Variants in STAB1 observed in about 807,000 individuals in gnomAD.
STAB1 encodes the protein stabilin 1.
Under a neutral mutation model 332.4 loss-of-function variants are expected in STAB1, and 250 were observed. That is an observed-to-expected ratio of 0.75 (90% CI 0.68 to 0.84). The LOEUF is 0.84. Ranked by LOEUF, STAB1 falls within the 40% of genes least tolerant of loss-of-function variation. The pLI is 0.00. For synonymous variants in STAB1, 1,475 were observed against 1,390.4 expected (o/e 1.06, Z -1.35); for missense variants, 3,249 against 3,489.7 (o/e 0.93, Z 1.74).
rs903378240 is a variant in STAB1 at position 52,523,435 on chromosome 3, T to C, written c.7149T>C (p.Ser2383=). 6.8e-6 allele frequency: 11 copies of C among 1,608,622 alleles called. No individual in the cohort carries two copies. Among genetic ancestry groups the C allele is most frequent in the Non-Finnish European group, 9.3e-6 (11 of 1,177,024 alleles). Residue 2383 remains serine, a synonymous_variant, in exon 65 of 69, where the codon AGT becomes AGC. Coordinates refer to ENST00000321725, the MANE Select transcript of STAB1 (RefSeq NM_015136.3). ...NEGFVDNMTL[S]GPDLELHASN... The stretch of plus-strand genomic sequence containing the variant: ...CCTTGCTCTGCTCACAGACGCTGAG[T>C]GGCCCAGACTTGGAGCTGCATGCCT...
chr3:52,516,020 C>T (rs939209812), intron 37 of STAB1, 23 bp from the exon 38 acceptor site: 1 of 1,581,598 alleles, frequency 6.3e-7, no homozygotes, highest in Non-Finnish European at 8.6e-7. Context: ...CTCTCGCCCT[C>T]TCTCCCATCC....
intron 33 of STAB1, 48 bp from the exon 34 acceptor site, chr3:52,514,317 G>A (rs538360613): frequency 6.4e-7 from 1 of 1,568,948 alleles, no homozygotes; most frequent in South Asian, 1.2e-5. Context: ...TGCTGTCCAG[G>A]GCACTTGGTT....
rs893243186 is a variant in STAB1 at position 52,518,947 on chromosome 3, C to G, written c.5034+78C>G. Reference sequence around the variant, plus strand: ...CGCGCCATTGCCCCAGGCCCCACGGCCCACGCAGTCAAGAACCCCACCTCC... The same window carrying G: ...CGCGCCATTGCCCCAGGCCCCACGGGCCACGCAGTCAAGAACCCCACCTCC... On this transcript the variant is annotated intron_variant, in intron 48 of 68. Coordinates refer to ENST00000321725, the MANE Select transcript of STAB1 (RefSeq NM_015136.3). 2.6e-5 allele frequency: 37 copies of G among 1,412,892 alleles called. No homozygotes were observed. The African/African-American group carries it at 4.9e-4, about 19-fold the overall frequency. The allele number at this position is 1,412,892 out of a possible 1,614,324, so 87.5% of individuals were successfully genotyped here. A position where few individuals can be genotyped will look rare whatever the true frequency, so the allele number is the denominator to read the frequency against.
rs200096517 is a variant in STAB1, at chr3:52,512,895, G to A, written c.3095G>A (p.Arg1032His). The A allele has an allele frequency of 5.8e-5, 94 of 1,611,936 alleles. No homozygotes were observed. Among genetic ancestry groups the A allele is most frequent in the Non-Finnish European group, 7.6e-5 (90 of 1,179,898 alleles). ...CTGGTGCCCTCCGAGGCTGCAGTCCGTCAGCTGAGCCCCGAGGACCGAGCT... is the reference window on the plus strand; with the variant it reads ...CTGGTGCCCTCCGAGGCTGCAGTCCATCAGCTGAGCCCCGAGGACCGAGCT... ...TALVPSEAAV[R>H]QLSPEDRAFW... is the part of the protein sequence containing the mutation. Residue 1032 changes from arginine (R) to histidine (H), a missense_variant, in exon 29 of 69, where the codon CGT becomes CAT. Transcript: ENST00000321725.
Position 52,516,801 on chromosome 3 carries a change from GA to G in STAB1, c.4363+36del, listed in dbSNP as rs1222500237. The G allele has an allele frequency of 3.1e-6, 5 of 1,597,934 alleles. No individual in the cohort carries two copies. The South Asian group carries it at 5.6e-5, about 18-fold the overall frequency. On this transcript the variant is annotated intron_variant, in intron 41 of 68. Coordinates refer to ENST00000321725, the MANE Select transcript of STAB1 (RefSeq NM_015136.3). The stretch of plus-strand genomic sequence containing the variant: ...CACACGGATGCCCAGGGCCCTCCCT[GA>G]AATTTTGGGGTGGCTGTCCCCACAG...
At chr3:52,509,027 G>A (rs893912566) in intron 21 of STAB1, among the ~76,000 whole-genome samples, 183 bp from the exon 22 acceptor site, 1 of 152,102 alleles carries the variant, frequency 6.6e-6, no homozygotes, top group Non-Finnish European at 1.5e-5. Context: ...AAAGCCTCCA[G>A]GGCCAGGTGC....
chr3:52,503,748 C>T (rs1396369852), intron 8 of STAB1, 24 bp from the exon 9 acceptor site: 1 of 1,612,358 alleles, frequency 6.2e-7, no homozygotes, highest in East Asian at 2.2e-5. Flanking sequence ...CGTGGTGTTC[C>T]CCTCCTGCCC....
At position 52,520,550 on chromosome 3, in the gene STAB1, G is replaced by A. The variant is rs773303430; in HGVS notation, c.5649+1G>A. 2 of 1,611,214 alleles carry A rather than the reference G, an allele frequency of 1.2e-6. No individual in the cohort carries two copies. The highest frequency in any genetic ancestry group is 1.7e-5 in the Admixed American group (1 of 60,004). The stretch of plus-strand genomic sequence containing the variant: ...CTTTGAGACCCGGCCCCTGCGACTG[G>A]TGAGGGAGGCCAGAGGCAGACGGGC... On this transcript the variant is annotated splice_donor_variant, in intron 53 of 68. Coordinates refer to ENST00000321725, the MANE Select transcript of STAB1 (RefSeq NM_015136.3). LOFTEE classifies it high-confidence loss of function.
rs1709394910 is a variant in STAB1, at chr3:52,512,856, G to GCCCT, written c.3058_3059insCTCC (p.Arg1020ProfsTer71). The stretch of plus-strand genomic sequence containing the variant: ...GCCGGCATCACGCTTCCTGCCGACC[G>GCCCT]CCGAGTCACAGCCCTGGTGCCCTCC... On this transcript the variant is annotated frameshift_variant, in exon 29 of 69. Coordinates refer to ENST00000321725, the MANE Select transcript of STAB1 (RefSeq NM_015136.3). LOFTEE classifies it high-confidence loss of function. The GCCCT allele has an allele frequency of 6.2e-7, 1 of 1,610,088 alleles. No homozygotes were observed. Among genetic ancestry groups the GCCCT allele is most frequent in the Non-Finnish European group, 8.5e-7 (1 of 1,179,818 alleles).
intron 19 of STAB1, 37 bp from the exon 20 acceptor site, chr3:52,507,894 C>A: frequency 6.3e-7 from 1 of 1,596,028 alleles, no homozygotes; most frequent in Non-Finnish European, 8.6e-7. Context: ...GGCCCAGAAC[C>A]CACACCCACT....
At chr3:52,512,528 A>G (rs1709370502) in intron 27 of STAB1, 68 bp from the exon 28 acceptor site, 2 of 1,613,136 alleles carry the variant, frequency 1.2e-6, no homozygotes. Flanking sequence ...ACTGCTCAGG[A>G]TCCATGGTGG....
rs767816914 is a variant in STAB1, at chr3:52,510,465, C to T, written c.2745C>T (p.Gly915=). The T allele has an allele frequency of 1.2e-6, 2 of 1,613,680 alleles. No homozygotes were observed. Among genetic ancestry groups the T allele is most frequent in the South Asian group, 2.2e-5 (2 of 91,072 alleles). Residue 915 remains glycine, a synonymous_variant, in exon 25 of 69, where the codon GGC becomes GGT. Coordinates refer to ENST00000321725, the MANE Select transcript of STAB1 (RefSeq NM_015136.3). ...AGTGTGAGCTGGACATGAGAGGTGG[C>T]TGCCACACCGATGCCCTCTGCAGCT... The part of the protein sequence containing the change: ...IDECELDMRG[G]CHTDALCSYV...
At position 52,517,479 on chromosome 3, in the gene STAB1, G is replaced by T. The variant is rs917373631; in HGVS notation, c.4564-71G>T. On this transcript the variant is annotated intron_variant, in intron 43 of 68. Transcript: ENST00000321725. ...CTTCAGGGCAGGCCCGGGGAGGGGG[G>T]TGACCCTTTTACCCAGGGTGCTGGC... is the stretch of plus-strand genomic sequence containing the variant. 11 of 1,593,220 alleles carry T rather than the reference G, an allele frequency of 6.9e-6. No homozygotes were observed. The African/African-American group carries it at 1.2e-4, about 18-fold the overall frequency.
intron 20 of STAB1, 37 bp from the exon 21 acceptor site, chr3:52,508,236 C>T (rs1559686930): frequency 6.3e-7 from 1 of 1,582,748 alleles, no homozygotes; most frequent in Non-Finnish European, 8.6e-7. Flanking sequence ...AGGGCATGGA[C>T]CCAGATGGCC....
intron 5 of STAB1, 104 bp downstream of exon 5, chr3:52,502,332 C>T (rs1559671963): frequency 4.7e-6 from 6 of 1,286,234 alleles, no homozygotes. Flanking sequence ...GCCTCTGTCC[C>T]AGCCCCTCAG....
In STAB1 at chr3:52,516,469, G is replaced by A. The variant is rs776385293; in HGVS notation, c.4240+18G>A. The stretch of plus-strand genomic sequence containing the variant: ...TGACCAGAGTGAGTGGGTCCCAATG[G>A]GGAGGGGGCAGGTGGCTACTGAGGA... On this transcript the variant is annotated intron_variant, in intron 39 of 68. Coordinates refer to ENST00000321725, the MANE Select transcript of STAB1 (RefSeq NM_015136.3). 18 of 1,613,406 alleles carry A rather than the reference G, an allele frequency of 1.1e-5. No individual in the cohort carries two copies. Among genetic ancestry groups the A allele is most frequent in the Admixed American group, 3.3e-5 (2 of 59,984 alleles).
chr3:52,508,450 C>A, intron 21 of STAB1, 91 bp downstream of exon 21: 2 of 1,241,764 alleles, frequency 1.6e-6, no homozygotes, highest in Non-Finnish European at 2.3e-6. Context: ...CTGGGCCAAG[C>A]CTGCCACTCT....
chr3:52,518,632 G>T lies in STAB1; in HGVS notation c.4887+19G>T. 2 of 1,610,290 alleles carry T rather than the reference G, an allele frequency of 1.2e-6. No individual in the cohort carries two copies. Among genetic ancestry groups the T allele is most frequent in the South Asian group, 1.1e-5 (1 of 90,616 alleles). The stretch of plus-strand genomic sequence containing the variant: ...GTCGCAGGTATGCAGCCCCCAGAGC[G>T]AGGCTGGGCAGGGCTGGGTGCTCTG... On this transcript the variant is annotated intron_variant, in intron 47 of 68. Transcript: ENST00000321725.
At chr3:52,504,352 G>A in intron 10 of STAB1, 109 bp from the exon 11 acceptor site, 1 of 1,388,594 alleles carries the variant, frequency 7.2e-7, no homozygotes, top group Non-Finnish European at 1.0e-6. Flanking sequence ...AATCTAGGGA[G>A]AATACCCCCA....
Sources: allele counts gnomAD v4.1 joint callset (sites outside exome capture counted in the v4.1 genomes callset), GRCh38; gene constraint gnomAD v4.1.1; transcripts MANE v1.5; gene names NCBI Gene and HGNC (gene_info 2026-07-23, HGNC 2026-07-21).